The following TRMT13 variants were observed in gnomAD, a reference collection of about 807,000 sequenced individuals.
The protein encoded by TRMT13 is tRNA methyltransferase 13.
Under a neutral mutation model 55.9 loss-of-function variants are expected in TRMT13, and 45 were observed. The ratio of observed to expected loss-of-function variants is 0.80; its 90% confidence interval spans 0.63 to 1.03. The LOEUF is 1.03. Among genes scored for constraint, TRMT13 ranks in the 50% least tolerant of loss-of-function variants. The pLI is 0.00. For synonymous variants in TRMT13, 183 were observed against 196.3 expected (o/e 0.93, Z 0.57); for missense variants, 513 against 563.9 (o/e 0.91, Z 0.91).
Position 100,147,973 on chromosome 1 carries a change from A to G in TRMT13, c.897A>G (p.Ile299Met). 1.9e-6 allele frequency: 3 copies of G among 1,614,084 alleles called. No individual in the cohort carries two copies. The highest frequency in any genetic ancestry group is 2.5e-6 in the Non-Finnish European group (3 of 1,180,010). ...ERNEEPLAKR[I>M]KNDKTEKEIY... is the part of the protein sequence containing the mutation. ...ATGAAGAACCTTTAGCCAAACGCATAAAGAATGATAAAACAGAAAAAGAAA... is the reference window on the plus strand; with the variant it reads ...ATGAAGAACCTTTAGCCAAACGCATGAAGAATGATAAAACAGAAAAAGAAA... The change falls in exon 10 of 11, where the codon ATA (isoleucine) becomes ATG (methionine). Residue 299 changes from isoleucine to methionine, a missense_variant. Coordinates refer to ENST00000370141, the MANE Select transcript of TRMT13 (RefSeq NM_019083.3).
chr1:100,140,339 C>CTGTG, intron 5 of TRMT13, 69 bp from the exon 6 acceptor site: 6 of 1,549,940 alleles, frequency 3.9e-6, no homozygotes, highest in Non-Finnish European at 5.3e-6. Flanking sequence ...AAATATGTTA[C>CTGTG]TACTATTGTT....
Position 100,148,609 on chromosome 1 carries a change from T to C in TRMT13, c.1251-16T>C. Reference sequence around the variant, plus strand: ...CAAAATTTTAACAATGTTTTGTGTGTGTTTATTCAATTTAGGCTTCTTAGT... The same window carrying C: ...CAAAATTTTAACAATGTTTTGTGTGCGTTTATTCAATTTAGGCTTCTTAGT... On this transcript the variant is annotated splice_polypyrimidine_tract_variant and intron_variant, in intron 10 of 10. Coordinates refer to ENST00000370141, the MANE Select transcript of TRMT13 (RefSeq NM_019083.3). The C allele has an allele frequency of 6.3e-7, 1 of 1,589,322 alleles. No individual in the cohort carries two copies. The highest frequency in any genetic ancestry group is 2.2e-5 in the East Asian group (1 of 44,726).
At chr1:100,134,709 C>A (rs968636904) in intron 1 of TRMT13, among the ~76,000 whole-genome samples, 3 of 152,200 alleles carry the variant, frequency 2.0e-5, no homozygotes, top group Admixed American at 6.5e-5. Flanking sequence ...AGGATTTAGA[C>A]TCCACCTTAT....
In TRMT13 at chr1:100,147,982, TAAA is replaced by T. The variant is rs778944884; in HGVS notation, c.908_910del (p.Lys303del). 3.7e-6 allele frequency: 6 copies of T among 1,613,924 alleles called. No homozygotes were observed. Among genetic ancestry groups the T allele is most frequent in the Non-Finnish European group, 5.1e-6 (6 of 1,179,990 alleles). ...CTTTAGCCAAACGCATAAAGAATGATAAAACAGAAAAAGAAATTTACACTTTGG... is the reference window on the plus strand; with the variant it reads ...CTTTAGCCAAACGCATAAAGAATGATACAGAAAAAGAAATTTACACTTTGG... On this transcript the variant is annotated inframe_deletion, in exon 10 of 11. Transcript: ENST00000370141.
chr1:100,143,724 G>GC (rs1656901063), intron 8 of TRMT13, among the ~76,000 whole-genome samples: 1 of 152,018 alleles, frequency 6.6e-6, no homozygotes, highest in Non-Finnish European at 1.5e-5. Flanking sequence ...CCTCTGTAGT[G>GC]CCCTTTTTAT....
chr1:100,135,808 A>G (rs533653065), intron 1 of TRMT13, among the ~76,000 whole-genome samples: 1 of 152,326 alleles, frequency 6.6e-6, no homozygotes, highest in African/African-American at 2.4e-5. Flanking sequence ...TTCCCAGTTC[A>G]TATAGTCATG....
intron 1 of TRMT13, among the ~76,000 whole-genome samples, chr1:100,134,692 T>C (rs1655567619): frequency 6.6e-6 from 1 of 152,144 alleles, no homozygotes; most frequent in South Asian, 2.1e-4. Flanking sequence ...AGAGTTATGA[T>C]AGGAGAAGGA....
At chr1:100,141,680 A>G (rs1006327907) in intron 7 of TRMT13, among the ~76,000 whole-genome samples, 2 of 152,196 alleles carry the variant, frequency 1.3e-5, no homozygotes, top group African/African-American at 4.8e-5. Flanking sequence ...TACATAAATG[A>G]TTGTAGTGAA....
intron 9 of TRMT13, among the ~76,000 whole-genome samples, chr1:100,147,459 T>A (rs999120432): frequency 1.3e-5 from 2 of 152,246 alleles, no homozygotes; most frequent in Non-Finnish European, 2.9e-5. Context: ...TGACCTAGCA[T>A]CAACCTAAAC....
chr1:100,138,470 G>GT (rs1279715363), intron 3 of TRMT13, among the ~76,000 whole-genome samples: 1 of 152,050 alleles, frequency 6.6e-6, no homozygotes, highest in Non-Finnish European at 1.5e-5. Context: ...GTAAAACATT[G>GT]TAATTCCTGC....
intron 1 of TRMT13, among the ~76,000 whole-genome samples, chr1:100,135,822 C>T (rs545388119): frequency 5.8e-4 from 88 of 152,220 alleles, no homozygotes; most frequent in Non-Finnish European, 1.1e-3. Context: ...AGTCATGTGC[C>T]ACATAATGAC....
chr1:100,146,030 T>C (rs1193978616), intron 9 of TRMT13, among the ~76,000 whole-genome samples: 1 of 152,220 alleles, frequency 6.6e-6, no homozygotes, highest in East Asian at 1.9e-4. Flanking sequence ...TCTCCTACTT[T>C]GCTGTTCAGC....
At chr1:100,145,000 T>C (rs1459978202) in intron 9 of TRMT13, among the ~76,000 whole-genome samples, 1 of 152,240 alleles carries the variant, frequency 6.6e-6, no homozygotes, top group Admixed American at 6.5e-5. Context: ...TGGTCAACAA[T>C]GGACTCATAT....
chr1:100,149,002 C>T lies in TRMT13; in HGVS notation c.*182C>T, dbSNP rs764267846. The T allele has an allele frequency of 6.8e-7, 1 of 1,479,490 alleles. No homozygotes were observed. The highest frequency in any genetic ancestry group is 9.0e-7 in the Non-Finnish European group (1 of 1,106,806). The allele number at this position is 1,479,490 out of a possible 1,614,324, so 91.6% of individuals were successfully genotyped here. A position where few individuals can be genotyped will look rare whatever the true frequency, so the allele number is the denominator to read the frequency against. On this transcript the variant is annotated 3_prime_UTR_variant, in exon 11 of 11. Coordinates refer to ENST00000370141, the MANE Select transcript of TRMT13 (RefSeq NM_019083.3). ...TCAGAAATCCAAACATTAGAGAATT[C>T]ACCAAAGTAATCCTCTTTAGAAGGG...
At chr1:100,136,989 C>T in intron 2 of TRMT13, 30 bp from the exon 3 acceptor site, 1 of 1,602,620 alleles carries the variant, frequency 6.2e-7, no homozygotes, top group Non-Finnish European at 8.5e-7. Flanking sequence ...GCACAAGTCT[C>T]ATTTGAAATA....
At chr1:100,148,413 G>C in intron 10 of TRMT13, 87 bp downstream of exon 10, 1 of 1,327,060 alleles carries the variant, frequency 7.5e-7, no homozygotes, top group Non-Finnish European at 1.0e-6. Context: ...AACAATTCAT[G>C]AAAATGTATT....
chr1:100,148,532 G>C, intron 10 of TRMT13, 93 bp from the exon 11 acceptor site: 1 of 1,234,928 alleles, frequency 8.1e-7, no homozygotes, highest in Non-Finnish European at 1.1e-6. Flanking sequence ...TTATGGGTTA[G>C]TTAACAGTCT....
intron 9 of TRMT13, among the ~76,000 whole-genome samples, chr1:100,146,949 ATGTT>A (rs1657344136): frequency 1.3e-5 from 2 of 152,320 alleles, no homozygotes; most frequent in African/African-American, 4.8e-5. Flanking sequence ...TGGGTTTCTA[ATGTT>A]TGTTGACTTA....
Position 100,137,158 on chromosome 1 carries a change from T to C in TRMT13, c.261+73T>C, listed in dbSNP as rs571551404. 1.8e-4 allele frequency: 230 copies of C among 1,291,500 alleles called. 4 individuals are homozygous for C. In the South Asian group the frequency reaches 2.9e-3, roughly 16 times the overall value. 80.0% of individuals were successfully genotyped at this position (1,291,500 alleles called of 1,614,324 possible). A position where few individuals can be genotyped will look rare whatever the true frequency, so the allele number is the denominator to read the frequency against. ...GCCTTGGTAGATGCTGCACATGGAA[T>C]GTACTTGTTTCATAGCTGAGGAACC... is the stretch of plus-strand genomic sequence containing the variant. On this transcript the variant is annotated intron_variant, in intron 3 of 10. Transcript: ENST00000370141.
Sources: allele counts gnomAD v4.1 joint callset (sites outside exome capture counted in the v4.1 genomes callset), GRCh38; gene constraint gnomAD v4.1.1; transcripts MANE v1.5; gene names NCBI Gene and HGNC (gene_info 2026-07-23, HGNC 2026-07-21).